COMMD7: variants seen among roughly 807,000 people sequenced by gnomAD.
COMMD7 encodes COMM domain-containing protein 7.
A neutral mutation model predicts 34.8 loss-of-function variants in COMMD7; 28 were observed. The ratio of observed to expected loss-of-function variants is 0.80; its 90% CI spans 0.60 to 1.10. The LOEUF is 1.10. Among genes scored for constraint, COMMD7 ranks in the 50% least tolerant of loss-of-function variants. COMMD7 has a pLI of 0.00. For missense variants in COMMD7, 211 were observed against 241.6 expected, an observed-to-expected ratio of 0.87 and a Z score of 0.84; for synonymous variants, 80 against 86.4, an observed-to-expected ratio of 0.93 and a Z score of 0.41.
At chr20:32,710,406 T>C (rs1314993984) in intron 3 of COMMD7, among the ~76,000 whole-genome samples, 1 of 152,088 alleles carries the variant, frequency 6.6e-6, no homozygotes, top group African/African-American at 2.4e-5. Flanking sequence ...TAAAAGCACG[T>C]TGAATGCAAG....
chr20:32,705,653 G>C (rs989750587), intron 5 of COMMD7, among the ~76,000 whole-genome samples: 3 of 152,086 alleles, frequency 2.0e-5, no homozygotes, highest in Non-Finnish European at 4.4e-5. Flanking sequence ...GATTACAGGC[G>C]TGAGCCACCG....
In COMMD7 at chr20:32,709,164, G is replaced by A. The variant is rs574737923; in HGVS notation, c.242-2404C>T. On this transcript the variant is annotated intron_variant, in intron 3 of 8. Transcript: ENST00000278980. ...GAAAGGTCATGGAGAGACCAGGCACGGTGGCTCATGCCTGTAATGCCAGCA... is the reference window on the plus strand; with the variant it reads ...GAAAGGTCATGGAGAGACCAGGCACAGTGGCTCATGCCTGTAATGCCAGCA... Among the ~76,000 whole-genome samples the A allele has an allele frequency of 1.4e-4, 21 of 152,092 alleles. No homozygotes were observed. In the South Asian group the frequency reaches 2.1e-3, roughly 15 times the overall value.
intron 3 of COMMD7, among the ~76,000 whole-genome samples, chr20:32,720,675 G>A (rs568043074): frequency 2.3e-4 from 35 of 151,962 alleles, no homozygotes; most frequent in Non-Finnish European, 1.5e-5. Context: ...CAGGTGTGTT[G>A]GTGCACCGTA....
intron 1 of COMMD7, among the ~76,000 whole-genome samples, chr20:32,730,955 C>T (rs762572377): frequency 6.6e-6 from 1 of 152,160 alleles, no homozygotes; most frequent in South Asian, 2.1e-4. Context: ...GTTAAATGCA[C>T]CTATCCCTTC....
intron 1 of COMMD7, 57 bp downstream of exon 1, chr20:32,743,244 CACCCCAG>C: frequency 7.7e-6 from 7 of 912,190 alleles, no homozygotes; most frequent in East Asian, 3.1e-5. Context: ...ACGTCCCCCC[CACCCCAG>C]GCCCGGATCC....
intron 3 of COMMD7, among the ~76,000 whole-genome samples, chr20:32,715,126 C>T (rs1281061317): frequency 6.6e-6 from 1 of 151,968 alleles, no homozygotes; most frequent in Non-Finnish European, 1.5e-5. Context: ...AGAGATTGTG[C>T]CACTGCACTC....
At chr20:32,738,666 C>T (rs182907788) in intron 1 of COMMD7, among the ~76,000 whole-genome samples, 6 of 151,800 alleles carry the variant, frequency 4.0e-5, no homozygotes, top group Admixed American at 3.9e-4. Context: ...AAGTGATCCC[C>T]CTACCTCTAC....
At chr20:32,731,196 T>C (rs1985812894) in intron 1 of COMMD7, among the ~76,000 whole-genome samples, 1 of 152,156 alleles carries the variant, frequency 6.6e-6, no homozygotes. Context: ...CATGCTCCTG[T>C]AGTCCTAGCT....
chr20:32,722,524 G>GACC (rs1213718454), intron 3 of COMMD7, among the ~76,000 whole-genome samples: 1 of 151,990 alleles, frequency 6.6e-6, no homozygotes, highest in Admixed American at 6.6e-5. Context: ...AGGAGTTCAA[G>GACC]ACCAGCCTGG....
chr20:32,728,398 C>A (rs1446868895), intron 1 of COMMD7, among the ~76,000 whole-genome samples: 1 of 151,896 alleles, frequency 6.6e-6, no homozygotes, highest in Non-Finnish European at 1.5e-5. Context: ...AGCATATGCA[C>A]TCAGATGCAC....
At chr20:32,737,917 TAATTTTACAG>T in intron 1 of COMMD7, among the ~76,000 whole-genome samples, 3 of 148,508 alleles carry the variant, frequency 2.0e-5, no homozygotes, top group Non-Finnish European at 4.5e-5. Context: ...AAGCTGGAGG[TAATTTTACAG>T]ATCATACAAT....
At chr20:32,709,306 G>T (rs1400125084) in intron 3 of COMMD7, among the ~76,000 whole-genome samples, 1 of 151,780 alleles carries the variant, frequency 6.6e-6, no homozygotes, top group Non-Finnish European at 1.5e-5. Flanking sequence ...GTGGTGGCAT[G>T]CGCCTGTAGT....
intron 3 of COMMD7, among the ~76,000 whole-genome samples, chr20:32,716,854 A>G (rs563232948): frequency 7.0e-6 from 1 of 142,156 alleles, no homozygotes; most frequent in Non-Finnish European, 1.6e-5. Context: ...GCCATGGGTT[A>G]GTAACTTTTT....
intron 1 of COMMD7, among the ~76,000 whole-genome samples, chr20:32,735,513 C>T (rs1324603909): frequency 6.6e-6 from 1 of 151,976 alleles, no homozygotes; most frequent in Non-Finnish European, 1.5e-5. Flanking sequence ...GACAGGGTTT[C>T]ACCATGTTGG....
At chr20:32,722,803 C>T (rs1288820216) in intron 3 of COMMD7, among the ~76,000 whole-genome samples, 3 of 150,478 alleles carry the variant, frequency 2.0e-5, no homozygotes, top group East Asian at 2.0e-4. Context: ...GGGTGGATCA[C>T]GAGGTCAAGA....
At chr20:32,717,348 CAG>C (rs1984858129) in intron 3 of COMMD7, among the ~76,000 whole-genome samples, 1 of 142,726 alleles carries the variant, frequency 7.0e-6, no homozygotes, top group African/African-American at 2.6e-5. Context: ...TTTTTTAAGA[CAG>C]AGTCTCACTC....
At chr20:32,729,167 ATTTTTTT>A (rs777073115) in intron 1 of COMMD7, among the ~76,000 whole-genome samples, 2 of 122,982 alleles carry the variant, frequency 1.6e-5, no homozygotes, top group Admixed American at 1.7e-4. Flanking sequence ...GCTTATTTTG[ATTTTTTT>A]TTTTTTTTTT....
chr20:32,712,304 C>T (rs1476668254), intron 3 of COMMD7, among the ~76,000 whole-genome samples: 2 of 137,190 alleles, frequency 1.5e-5, no homozygotes, highest in African/African-American at 2.7e-5. Flanking sequence ...AGAGAGAGAT[C>T]GAGACCATCC....
intron 3 of COMMD7, among the ~76,000 whole-genome samples, chr20:32,727,312 G>A (rs560219253): frequency 2.6e-4 from 40 of 152,086 alleles, no homozygotes; most frequent in African/African-American, 9.6e-4. Flanking sequence ...ACTATGGGAG[G>A]CTGAGGCAGA....
Sources: gnomAD v4.1 joint callset for allele counts (sites outside exome capture counted in the v4.1 genomes callset) on GRCh38, gnomAD v4.1.1 for gene constraint, MANE v1.5 for transcripts, NCBI Gene and HGNC (gene_info 2026-07-23, HGNC 2026-07-21) for gene names.